CWC27: variants seen among roughly 807,000 people sequenced by gnomAD.
CWC27 encodes the protein spliceosome-associated protein CWC27 homolog.
In CWC27, 47 loss-of-function variants were observed where a neutral mutation model predicts 63.6. The observed-to-expected ratio is 0.74, with a 90% CI of 0.58 to 0.94. CWC27 has a LOEUF of 0.94. Ranked by LOEUF, CWC27 falls within the 40% of genes least tolerant of loss-of-function variation. The pLI, the probability that CWC27 is intolerant of heterozygous loss-of-function variation, is 0.00. For synonymous variants in CWC27, 175 were observed against 179.8 expected, an observed-to-expected ratio of 0.97 and a Z score of 0.22; for missense variants, 495 against 554.3, an observed-to-expected ratio of 0.89 and a Z score of 1.07.
In CWC27 at chr5:64,850,027, A is replaced by G. The variant is rs1462593623; in HGVS notation, c.939-35416A>G. The stretch of plus-strand genomic sequence containing the variant: ...TAATGCAATCACTATGAAAAGTCCA[A>G]TGTTACTTTTCTTAGAAATAGAAAA... On this transcript the variant is annotated intron_variant, in intron 10 of 13. Coordinates refer to ENST00000381070, the MANE Select transcript of CWC27 (RefSeq NM_005869.4). Among the ~76,000 whole-genome samples the G allele has an allele frequency of 2.0e-5, 3 of 152,300 alleles. 1 individual carries two copies. The highest frequency in any genetic ancestry group is 6.5e-5 in the Admixed American group (1 of 15,298).
chr5:64,962,475 A>T (rs1209343659), intron 11 of CWC27, among the ~76,000 whole-genome samples: 1 of 152,176 alleles, frequency 6.6e-6, no homozygotes, highest in South Asian at 2.1e-4. Flanking sequence ...TGGATGGAAG[A>T]TATGGCCTTG....
intron 10 of CWC27, among the ~76,000 whole-genome samples, chr5:64,843,328 T>G (rs763352945): frequency 2.0e-5 from 3 of 152,198 alleles, no homozygotes; most frequent in Non-Finnish European, 4.4e-5. Context: ...ACTTCCAGAT[T>G]CACAACAATA....
At chr5:64,982,898 C>T (rs1249706975) in intron 13 of CWC27, among the ~76,000 whole-genome samples, 1 of 152,176 alleles carries the variant, frequency 6.6e-6, no homozygotes, top group Non-Finnish European at 1.5e-5. Flanking sequence ...ACTGCCTGAG[C>T]TCCACCTCCT....
chr5:64,937,985 A>T (rs1748393576), intron 11 of CWC27, among the ~76,000 whole-genome samples: 3 of 116,222 alleles, frequency 2.6e-5, no homozygotes, highest in Admixed American at 1.1e-4. Context: ...CTTTATTTTG[A>T]GCCTATGTGT....
intron 10 of CWC27, among the ~76,000 whole-genome samples, chr5:64,847,301 C>T (rs1382483298): frequency 6.6e-6 from 1 of 152,072 alleles, no homozygotes; most frequent in African/African-American, 2.4e-5. Flanking sequence ...AAGGACATTA[C>T]ACAATGATGA....
chr5:64,879,286 T>A lies in CWC27; in HGVS notation c.939-6157T>A, dbSNP rs538698158. ...TTTGATGCATTTGTGGTATGTCTAGTGGAATTTTTCATCTGGCAGTTAGAA... is the reference window on the plus strand; with the variant it reads ...TTTGATGCATTTGTGGTATGTCTAGAGGAATTTTTCATCTGGCAGTTAGAA... On this transcript the variant is annotated intron_variant, in intron 10 of 13. Coordinates refer to ENST00000381070, the MANE Select transcript of CWC27 (RefSeq NM_005869.4). 2.6e-5 allele frequency among the ~76,000 whole-genome samples: 4 copies of A among 152,114 alleles called. No individual in the cohort carries two copies. In the South Asian group the frequency reaches 8.3e-4, roughly 32 times the overall value.
chr5:64,928,660 T>C (rs73107284), intron 11 of CWC27, among the ~76,000 whole-genome samples: 13,551 of 152,176 alleles, frequency 0.089, 1,931 homozygotes, highest in African/African-American at 0.3. Flanking sequence ...CTTATTTTTA[T>C]AAGGAATAGC....
At chr5:64,949,363 C>T (rs956279060) in intron 11 of CWC27, among the ~76,000 whole-genome samples, 1 of 151,990 alleles carries the variant, frequency 6.6e-6, no homozygotes, top group Non-Finnish European at 1.5e-5. Context: ...CAAACTCCAT[C>T]CCTCTCCCTA....
chr5:64,904,229 T>C (rs1747572248), intron 11 of CWC27, among the ~76,000 whole-genome samples: 1 of 152,208 alleles, frequency 6.6e-6, no homozygotes, highest in Non-Finnish European at 1.5e-5. Flanking sequence ...ACCCCACACC[T>C]GGATACCAAA....
intron 13 of CWC27, among the ~76,000 whole-genome samples, chr5:65,002,393 T>C (rs1369879687): frequency 6.6e-6 from 1 of 152,104 alleles, no homozygotes; most frequent in Admixed American, 6.5e-5. Flanking sequence ...TTGAGGTGCA[T>C]AAATCGTTCT....
At position 64,768,970 on chromosome 5, in the gene CWC27, AG is replaced by A. The variant is rs1210667625; in HGVS notation, c.-173del. ...CGGTAACAACATGGCGGCGTCCGTG[AG>A]GGGCTCCTTTGGGCAGGGGTAGTGT... On this transcript the variant is annotated 5_prime_UTR_variant, in exon 1 of 14. It removes the in-frame stop codon of an upstream open reading frame in the 5' UTR. Transcript: ENST00000381070. 2 of 598,992 alleles carry A rather than the reference AG, an allele frequency of 3.3e-6. No homozygotes were observed. Among genetic ancestry groups the A allele is most frequent in the Middle Eastern group, 4.5e-4 (1 of 2,234 alleles). 37.1% of individuals were successfully genotyped at this position (598,992 alleles called of 1,614,324 possible).
chr5:65,015,840 C>G (rs1728353520), intron 13 of CWC27, among the ~76,000 whole-genome samples: 1 of 152,184 alleles, frequency 6.6e-6, no homozygotes, highest in Non-Finnish European at 1.5e-5. Context: ...GGGCAGCTAT[C>G]ACCCTCAGAA....
rs536481130 is a variant in CWC27 at position 64,908,569 on chromosome 5, GT to G, written c.1042+23027del. ...TTGCTTTATGAATCTGGGTCCTCCT[GT>G]TTTGGCTGCATATATATTTAGGATA... is the stretch of plus-strand genomic sequence containing the variant. On this transcript the variant is annotated intron_variant, in intron 11 of 13. Transcript: ENST00000381070. 1.5e-3 allele frequency among the ~76,000 whole-genome samples: 225 copies of G among 152,264 alleles called. 2 individuals are homozygous for G. The highest frequency in any genetic ancestry group is 1.7e-3 in the Non-Finnish European group (116 of 68,022).
chr5:64,948,928 A>G (rs1748646460), intron 11 of CWC27, among the ~76,000 whole-genome samples: 1 of 152,014 alleles, frequency 6.6e-6, no homozygotes, highest in Non-Finnish European at 1.5e-5. Context: ...CCTTGATTCC[A>G]TAGTAGAAGC....
chr5:64,938,761 T>A (rs1411946845), intron 11 of CWC27, among the ~76,000 whole-genome samples: 1 of 148,364 alleles, frequency 6.7e-6, no homozygotes, highest in Non-Finnish European at 1.5e-5. Context: ...ATAGGTTTGA[T>A]CTTTTCACAT....
chr5:64,898,549 A>G (rs1322151439), intron 11 of CWC27, among the ~76,000 whole-genome samples: 1 of 152,160 alleles, frequency 6.6e-6, no homozygotes, highest in South Asian at 2.1e-4. Context: ...ATGTCCTTCT[A>G]ATGCAGAGAA....
At chr5:64,933,251 T>C (rs1050910115) in intron 11 of CWC27, among the ~76,000 whole-genome samples, 2 of 152,216 alleles carry the variant, frequency 1.3e-5, no homozygotes, top group African/African-American at 2.4e-5. Flanking sequence ...TAGCTGATCA[T>C]GATATATATT....
intron 10 of CWC27, among the ~76,000 whole-genome samples, chr5:64,818,847 T>C (rs1202583182): frequency 6.6e-6 from 1 of 152,194 alleles, no homozygotes; most frequent in Non-Finnish European, 1.5e-5. Context: ...TAGGATTTCT[T>C]AGTATTTTAG....
chr5:64,910,623 A>G (rs1747765160), intron 11 of CWC27, among the ~76,000 whole-genome samples: 1 of 152,180 alleles, frequency 6.6e-6, no homozygotes. Context: ...AAGCTTCTCC[A>G]GCTGCTTTGT....
Sources: gnomAD v4.1 joint callset for allele counts (sites outside exome capture counted in the v4.1 genomes callset) on GRCh38, gnomAD v4.1.1 for gene constraint, MANE v1.5 for transcripts, NCBI Gene and HGNC (gene_info 2026-07-23, HGNC 2026-07-21) for gene names.